The following FAM83D variants were observed in gnomAD, a reference collection of about 807,000 sequenced individuals.
The protein encoded by FAM83D is scaffolding CK1 anchoring protein D, also known as protein FAM83D.
Under a neutral mutation model 25.4 loss-of-function variants are expected in FAM83D, and 26 were observed. The observed-to-expected ratio is 1.02, with a 90% CI of 0.75 to 1.42. The LOEUF (loss-of-function observed/expected upper bound fraction) is 1.42. Among genes scored for constraint, FAM83D ranks in the 40% most tolerant of loss-of-function variants. The pLI is 0.00. For missense variants in FAM83D, 740 were observed against 758.1 expected, an observed-to-expected ratio of 0.98 and a Z score of 0.28; for synonymous variants, 310 against 318.5, an observed-to-expected ratio of 0.97 and a Z score of 0.28.
intron 1 of FAM83D, among the ~76,000 whole-genome samples, chr20:38,931,556 C>T (rs952797334): frequency 7.2e-5 from 11 of 152,214 alleles, no homozygotes; most frequent in East Asian, 3.9e-4. Flanking sequence ...AGAGCACGGT[C>T]GAACCTCAGT....
Position 38,952,670 on chromosome 20 carries a change from A to G in FAM83D, c.*150A>G, listed in dbSNP as rs2145810135. The G allele has an allele frequency of 1.1e-6, 1 of 876,304 alleles. No homozygotes were observed. Among genetic ancestry groups the G allele is most frequent in the East Asian group, 2.5e-5 (1 of 40,392 alleles). The allele number at this position is 876,304 out of a possible 1,614,324, so 54.3% of individuals were successfully genotyped here. ...CTTTGAATTCTTTAGGCTGCATATT[A>G]TTTTACATGCTTTGTTTTGTCATGT... On this transcript the variant is annotated 3_prime_UTR_variant, in exon 4 of 4. Transcript: ENST00000619850.
chr20:38,926,700 C>CG lies in FAM83D; in HGVS notation c.259dup (p.Glu87GlyfsTer128). 6.6e-7 allele frequency: 1 copy of CG among 1,512,968 alleles called. No homozygotes were observed. The highest frequency in any genetic ancestry group is 8.8e-7 in the Non-Finnish European group (1 of 1,135,402). 93.7% of individuals were successfully genotyped at this position (1,512,968 alleles called of 1,614,324 possible). On this transcript the variant is annotated frameshift_variant, in exon 1 of 4. Coordinates refer to ENST00000619850, the MANE Select transcript of FAM83D (RefSeq NM_030919.3). LOFTEE classifies it high-confidence loss of function. Reference sequence around the variant, plus strand: ...AGGGCGCGGCGGCGGCGGCGGCGGCCGAGGACTCGTTCGGCTCCTCGCACG... The same window carrying CG: ...AGGGCGCGGCGGCGGCGGCGGCGGCCGGAGGACTCGTTCGGCTCCTCGCACG...
chr20:38,942,148 G>A, intron 2 of FAM83D, 22 bp downstream of exon 2: 1 of 1,613,100 alleles, frequency 6.2e-7, no homozygotes, highest in Non-Finnish European at 8.5e-7. Flanking sequence ...ACTATATCCA[G>A]TTTCACCATA....
chr20:38,926,977 G>A (rs991269014), intron 1 of FAM83D, 52 bp downstream of exon 1: 2 of 1,403,978 alleles, frequency 1.4e-6, no homozygotes, highest in Non-Finnish European at 1.8e-6. Flanking sequence ...CTTCAAGAAT[G>A]GGAAATTGAG....
At chr20:38,946,387 T>C (rs2085728776) in intron 2 of FAM83D, among the ~76,000 whole-genome samples, 1 of 152,170 alleles carries the variant, frequency 6.6e-6, no homozygotes. Context: ...GCAAAGATTG[T>C]ACAGAAAAGT....
intron 1 of FAM83D, among the ~76,000 whole-genome samples, chr20:38,933,862 T>G (rs907106779): frequency 2.0e-5 from 3 of 151,020 alleles, no homozygotes; most frequent in African/African-American, 7.3e-5. Context: ...ATTTCTTTCT[T>G]TCTTTTTTTT....
intron 1 of FAM83D, among the ~76,000 whole-genome samples, chr20:38,931,798 A>T (rs1384982743): frequency 6.6e-6 from 1 of 152,256 alleles, no homozygotes; most frequent in East Asian, 1.9e-4. Context: ...AGAATCACTC[A>T]GTGTGTCTGA....
At chr20:38,932,207 G>A (rs888283963) in intron 1 of FAM83D, among the ~76,000 whole-genome samples, 7 of 152,232 alleles carry the variant, frequency 4.6e-5, no homozygotes, top group Non-Finnish European at 8.8e-5. Flanking sequence ...GCAACATAGC[G>A]AGATCCCATC....
chr20:38,943,024 CTT>C (rs112144207), intron 2 of FAM83D, among the ~76,000 whole-genome samples: 6 of 141,762 alleles, frequency 4.2e-5, no homozygotes, highest in Non-Finnish European at 4.6e-5. Context: ...CTGCTCCATG[CTT>C]TTTTTTTTTT....
intron 3 of FAM83D, among the ~76,000 whole-genome samples, chr20:38,949,361 C>T (rs1267403419): frequency 2.6e-5 from 4 of 151,946 alleles, no homozygotes; most frequent in Non-Finnish European, 5.9e-5. Context: ...TGTTTCGCCA[C>T]GTTGGCCAGG....
chr20:38,926,851 C>G lies in FAM83D; in HGVS notation c.409C>G (p.Pro137Ala). The G allele has an allele frequency of 2.6e-6, 4 of 1,525,152 alleles. No homozygotes were observed. The highest frequency in any genetic ancestry group is 3.5e-6 in the Non-Finnish European group (4 of 1,141,548). The allele number at this position is 1,525,152 out of a possible 1,614,324, so 94.5% of individuals were successfully genotyped here. A position where few individuals can be genotyped will look rare whatever the true frequency, so the allele number is the denominator to read the frequency against. The change falls in exon 1 of 4, where the codon CCC (proline) becomes GCC (alanine). Residue 137 changes from proline (P) to alanine (A), a missense_variant. Transcript: ENST00000619850. ...GATRVETHFQ[P>A]RGAGEGGPYG... is the part of the protein sequence containing the mutation. Reference sequence around the variant, plus strand: ...CACGCGTGTCGAGACGCACTTCCAGCCCCGCGGCGCTGGCGAAGGTGGCCC... The same window carrying G: ...CACGCGTGTCGAGACGCACTTCCAGGCCCGCGGCGCTGGCGAAGGTGGCCC...
intron 3 of FAM83D, 53 bp downstream of exon 3, chr20:38,948,053 A>G (rs768927104): frequency 3.1e-6 from 5 of 1,598,430 alleles, no homozygotes; most frequent in Non-Finnish European, 4.3e-6. Context: ...CAGAAGAAGC[A>G]TGTCATGTAA....
rs6071625 is a variant in FAM83D, at chr20:38,934,783, C to T, written c.484-7176C>T. 3.9e-3 allele frequency among the ~76,000 whole-genome samples: 598 copies of T among 152,056 alleles called. 2 individuals carry two copies. The highest frequency in any genetic ancestry group is 0.014 in the African/African-American group (574 of 41,430). ...CTCTGCAGTGGAACATCCTGTAGCT[C>T]TAAGAAGGAATGAGGACTAGCTCTG... On this transcript the variant is annotated intron_variant, in intron 1 of 3. Transcript: ENST00000619850.
At chr20:38,927,061 C>T in intron 1 of FAM83D, 136 bp downstream of exon 1, 1 of 1,364,500 alleles carries the variant, frequency 7.3e-7, no homozygotes, top group African/African-American at 1.5e-5. Context: ...CTAGGTGGTC[C>T]CAGGGTCTCC....
At chr20:38,947,810 C>A in intron 2 of FAM83D, 66 bp from the exon 3 acceptor site, 4 of 1,572,668 alleles carry the variant, frequency 2.5e-6, no homozygotes, top group Non-Finnish European at 3.5e-6. Context: ...TTTGTCCTAA[C>A]CATTTGCTCA....
At chr20:38,932,702 A>G (rs548908498) in intron 1 of FAM83D, among the ~76,000 whole-genome samples, 5 of 152,300 alleles carry the variant, frequency 3.3e-5, no homozygotes, top group African/African-American at 1.2e-4. Flanking sequence ...ACATAGCCTC[A>G]TTTTGGCAAT....
chr20:38,940,666 A>G (rs1003638965), intron 1 of FAM83D, among the ~76,000 whole-genome samples: 2 of 152,184 alleles, frequency 1.3e-5, no homozygotes, highest in Non-Finnish European at 2.9e-5. Context: ...CTTCTGACTC[A>G]GTTTGTCAGG....
rs754613428 is a variant in FAM83D at position 38,926,552 on chromosome 20, A to G, written c.110A>G (p.Glu37Gly). 5 of 1,579,476 alleles carry G rather than the reference A, an allele frequency of 3.2e-6. No homozygotes were observed. The Admixed American group carries it at 7.0e-5, about 22-fold the overall frequency. The change falls in exon 1 of 4, where the codon GAG becomes GGG. Residue 37 changes from glutamate (E) to glycine (G), a missense_variant. By Grantham distance (98) the Glu-to-Gly change is moderately conservative (BLOSUM62 -2). This residue lies in a region of FAM83D where 333 missense variants were observed against 298.6 expected (regional missense o/e 1.12). Transcript: ENST00000619850. Reference sequence around the variant, plus strand: ...AGCGAGTCACGGCGCCTGGCTCTGGAGGAGCTGGTGGCGGGCGGCCCCGAA... The same window carrying G: ...AGCGAGTCACGGCGCCTGGCTCTGGGGGAGCTGGTGGCGGGCGGCCCCGAA... ...LFSESRRLALEELVAGGPEAF... is the reference protein window; with the variant it reads ...LFSESRRLALGELVAGGPEAF...
rs140622752 is a variant in FAM83D, at chr20:38,931,758, A to G, written c.483+4833A>G. On this transcript the variant is annotated intron_variant, in intron 1 of 3. Coordinates refer to ENST00000619850, the MANE Select transcript of FAM83D (RefSeq NM_030919.3). ...CAGCCTGAAGCGCTGGTTCTGGGAT[A>G]GGTTTTATCCAGCAGCTCTCTGACC... Among the ~76,000 whole-genome samples, 228 of 152,362 alleles carry G rather than the reference A, an allele frequency of 1.5e-3. 2 individuals are homozygous for G. In the East Asian group the frequency reaches 0.015, roughly 10 times the overall value.
Sources: allele counts gnomAD v4.1 joint callset (sites outside exome capture counted in the v4.1 genomes callset), GRCh38; gene constraint gnomAD v4.1.1; regional missense constraint gnomAD v4.1.1; transcripts MANE v1.5; gene names NCBI Gene and HGNC (gene_info 2026-07-23, HGNC 2026-07-21).